The following FOXN1 variants were observed in gnomAD, a reference collection of about 807,000 sequenced individuals.
The protein encoded by FOXN1 is forkhead box N1.
In FOXN1, 15 loss-of-function variants were observed where a neutral mutation model predicts 49.0. The observed-to-expected ratio is 0.31, with a 90% CI of 0.20 to 0.47. FOXN1 has a LOEUF of 0.47. FOXN1 is among the 20% of genes least tolerant of loss of function. The pLI is 1.00. For synonymous variants in FOXN1, 356 were observed against 369.0 expected, an observed-to-expected ratio of 0.96 and a Z score of 0.40; for missense variants, 800 against 842.8, an observed-to-expected ratio of 0.95 and a Z score of 0.63.
At chr17:28,529,021 T>C (rs2069841111) in intron 4 of FOXN1, 73 bp from the exon 5 acceptor site, 3 of 1,591,744 alleles carry the variant, frequency 1.9e-6, no homozygotes, top group African/African-American at 1.3e-5. Context: ...TGGATGTATA[T>C]AAATGGGGAG....
intron 1 of FOXN1, among the ~76,000 whole-genome samples, chr17:28,516,116 CTCCACAGGATCCTTACA>C (rs1377625809): frequency 2.0e-5 from 3 of 149,530 alleles, no homozygotes; most frequent in African/African-American, 7.4e-5. Context: ...GGGTACACAC[CTCCACAGGATCCTTACA>C]TCCACAGGGT....
In FOXN1 at chr17:28,524,060, C is replaced by T. The variant is rs761614863; in HGVS notation, c.91C>T (p.Pro31Ser). ...GCGCCAAGGGGACCTCATGCAGGCACCGGGCCTCCCAGGCTCCCCTGCCCC... is the reference window on the plus strand; with the variant it reads ...GCGCCAAGGGGACCTCATGCAGGCATCGGGCCTCCCAGGCTCCCCTGCCCC... ...GERQGDLMQA[P>S]GLPGSPAPQS... is the part of the protein sequence containing the mutation. The change falls in exon 2 of 9, where the codon CCG becomes TCG. Residue 31 changes from proline (P) to serine (S), a missense_variant. Transcript: ENST00000579795. 6.8e-6 allele frequency: 11 copies of T among 1,609,528 alleles called. No homozygotes were observed. Among genetic ancestry groups the T allele is most frequent in the Non-Finnish European group, 8.5e-6 (10 of 1,179,136 alleles).
Position 28,538,811 on chromosome 17 carries a change from A to C in FOXN1, c.*1375A>C, listed in dbSNP as rs1296878328. 1 of 152,262 alleles carries C rather than the reference A, an allele frequency of 6.6e-6. No individual in the cohort carries two copies. The highest frequency in any genetic ancestry group is 2.4e-5 in the African/African-American group (1 of 41,446). The allele number at this position is 152,262 out of a possible 1,614,324, so 9.4% of individuals were successfully genotyped here. A position where few individuals can be genotyped will look rare whatever the true frequency, so the allele number is the denominator to read the frequency against. On this transcript the variant is annotated 3_prime_UTR_variant, in exon 9 of 9. Coordinates refer to ENST00000579795, the MANE Select transcript of FOXN1 (RefSeq NM_001369369.1). Reference sequence around the variant, plus strand: ...ACAAGAACTTCCACAGGTTGGCCCCAGGCTTATAGGAGGCATAAGCAGATC... The same window carrying C: ...ACAAGAACTTCCACAGGTTGGCCCCCGGCTTATAGGAGGCATAAGCAGATC...
intron 1 of FOXN1, among the ~76,000 whole-genome samples, chr17:28,513,288 A>G (rs1020697228): frequency 5.9e-5 from 9 of 152,152 alleles, no homozygotes; most frequent in African/African-American, 2.2e-4. Context: ...AACAAAAAAA[A>G]CCAGAATAAA....
chr17:28,536,626 C>T (rs143092776), intron 8 of FOXN1, among the ~76,000 whole-genome samples: 52 of 152,292 alleles, frequency 3.4e-4, no homozygotes, highest in Admixed American at 2.8e-3. Context: ...GTTTGCTCCT[C>T]GGACTCAGGT....
At chr17:28,523,101 C>T (rs2069675029) in intron 1 of FOXN1, among the ~76,000 whole-genome samples, 1 of 152,244 alleles carries the variant, frequency 6.6e-6, no homozygotes, top group East Asian at 1.9e-4. Context: ...AACCACCCCA[C>T]TGTGTTAGGG....
At chr17:28,509,830 T>C (rs963965079) in intron 1 of FOXN1, among the ~76,000 whole-genome samples, 16 of 152,114 alleles carry the variant, frequency 1.1e-4, no homozygotes, top group African/African-American at 3.9e-4. Context: ...ACTGATCCTA[T>C]CAGGCATGGC....
intron 3 of FOXN1, among the ~76,000 whole-genome samples, chr17:28,526,922 G>T (rs1364424642): frequency 6.6e-6 from 1 of 152,138 alleles, no homozygotes; most frequent in African/African-American, 2.4e-5. Context: ...TGTCGAGTGA[G>T]GTCAGCACCG....
In FOXN1 at chr17:28,534,749, G is replaced by A. The variant is rs370498747; in HGVS notation, c.1178G>A (p.Gly393Asp). Reference sequence around the variant, plus strand: ...ATTGGAGACAAGAGAGAAAAGCTGGGCTCCCCACTCCTGGGCTGTCCGCCC... The same window carrying A: ...ATTGGAGACAAGAGAGAAAAGCTGGACTCCCCACTCCTGGGCTGTCCGCCC... ...SLIGDKREKL[G>D]SPLLGCPPPG... Residue 393 changes from glycine (G) to aspartate (D), a missense_variant, in exon 8 of 9, where the codon GGC becomes GAC. Transcript: ENST00000579795. This position sits in a 1 kb window ranked among gnomAD's most constrained non-coding sequence, Gnocchi z 4.1. 327 of 1,613,450 alleles carry A rather than the reference G, an allele frequency of 2.0e-4. No individual in the cohort carries two copies. The highest frequency in any genetic ancestry group is 2.7e-4 in the Non-Finnish European group (314 of 1,179,820).
intron 1 of FOXN1, among the ~76,000 whole-genome samples, chr17:28,520,160 G>A (rs567585035): frequency 1.8e-4 from 28 of 152,206 alleles, no homozygotes; most frequent in Admixed American, 2.6e-4. Flanking sequence ...CAGTTCCTGC[G>A]ATTCAAATCC....
At chr17:28,511,059 G>A (rs968140151) in intron 1 of FOXN1, among the ~76,000 whole-genome samples, 1 of 152,164 alleles carries the variant, frequency 6.6e-6, no homozygotes, top group African/African-American at 2.4e-5. Flanking sequence ...ACAGATGCCT[G>A]CATAGCAGGG....
chr17:28,525,531 AGTCTTAAC>A (rs1487441628), intron 3 of FOXN1, among the ~76,000 whole-genome samples: 1 of 152,192 alleles, frequency 6.6e-6, no homozygotes, highest in Admixed American at 6.5e-5. Context: ...ACCCTGGACA[AGTCTTAAC>A]GTCTCTGAGC....
At chr17:28,514,896 CT>C (rs1378886711) in intron 1 of FOXN1, among the ~76,000 whole-genome samples, 3 of 152,080 alleles carry the variant, frequency 2.0e-5, no homozygotes, top group Non-Finnish European at 2.9e-5. Flanking sequence ...CCCCACCCAC[CT>C]TTCAGGCTTG....
chr17:28,521,000 G>T (rs923039208), intron 1 of FOXN1, among the ~76,000 whole-genome samples: 1 of 152,202 alleles, frequency 6.6e-6, no homozygotes, highest in Non-Finnish European at 1.5e-5. Flanking sequence ...AGAGCCTGGG[G>T]CCAAAGGCCC....
chr17:28,524,227 C>G, intron 2 of FOXN1, 135 bp downstream of exon 2: 1 of 924,478 alleles, frequency 1.1e-6, no homozygotes, highest in Non-Finnish European at 1.6e-6. Flanking sequence ...AACAAGTCCT[C>G]AGGGACCCCG....
At chr17:28,508,876 G>T (rs2069326280) in intron 1 of FOXN1, among the ~76,000 whole-genome samples, 1 of 152,194 alleles carries the variant, frequency 6.6e-6, no homozygotes, top group Non-Finnish European at 1.5e-5. Flanking sequence ...GTGGCTGGCA[G>T]AGGGGAGTTC....
At chr17:28,518,259 C>T (rs2069572095) in intron 1 of FOXN1, among the ~76,000 whole-genome samples, 2 of 152,250 alleles carry the variant, frequency 1.3e-5, no homozygotes, top group East Asian at 3.8e-4. Flanking sequence ...ACAGGATTAG[C>T]CTCAGCATCT....
chr17:28,534,473 A>C lies in FOXN1; in HGVS notation c.1070A>C (p.Gln357Pro). Residue 357 changes from glutamine to proline, a missense_variant, in exon 7 of 9, where the codon CAA becomes CCA. This residue lies in a region of FOXN1 where 73 missense variants were observed against 118.9 expected (regional missense o/e 0.61). Transcript: ENST00000579795. This position sits in a 1 kb window ranked among gnomAD's most constrained non-coding sequence, Gnocchi z 4.1. ...ALNPAKIDKM[Q>P]EELQKWKRKD... Reference sequence around the variant, plus strand: ...AATCCGGCCAAGATCGACAAGATGCAAGAGGAGCTGCAAAAATGGAAGAGG... The same window carrying C: ...AATCCGGCCAAGATCGACAAGATGCCAGAGGAGCTGCAAAAATGGAAGAGG... 1 of 1,614,174 alleles carries C rather than the reference A, an allele frequency of 6.2e-7. No homozygotes were observed. Among genetic ancestry groups the C allele is most frequent in the South Asian group, 1.1e-5 (1 of 91,080 alleles).
chr17:28,537,618 C>G lies in FOXN1; in HGVS notation c.*182C>G. On this transcript the variant is annotated 3_prime_UTR_variant, in exon 9 of 9. Coordinates refer to ENST00000579795, the MANE Select transcript of FOXN1 (RefSeq NM_001369369.1). ...GAGGACATCACCTGGGGTGCTGCCT[C>G]TCACACATTTCTGCCACGTGGTGGC... 2 of 652,434 alleles carry G rather than the reference C, an allele frequency of 3.1e-6. No homozygotes were observed. The highest frequency in any genetic ancestry group is 5.6e-6 in the Non-Finnish European group (2 of 358,652). 40.4% of individuals were successfully genotyped at this position (652,434 alleles called of 1,614,324 possible). A position where few individuals can be genotyped will look rare whatever the true frequency, so the allele number is the denominator to read the frequency against.
Sources: gnomAD v4.1 joint callset for allele counts (sites outside exome capture counted in the v4.1 genomes callset) on GRCh38, gnomAD v4.1.1 for gene constraint, gnomAD v4.1.1 regional missense constraint, Gnocchi (gnomAD v3.1) non-coding constraint, MANE v1.5 for transcripts, NCBI Gene and HGNC (gene_info 2026-07-23, HGNC 2026-07-21) for gene names.